The following GRM1 variants were observed in gnomAD, a reference collection of about 807,000 sequenced individuals.
GRM1 encodes the protein glutamate metabotropic receptor 1, also known as metabotropic glutamate receptor 1.
In GRM1, 33 loss-of-function variants were observed where a neutral mutation model predicts 90.9. That is an observed-to-expected ratio of 0.36 (90% CI 0.28 to 0.49). The LOEUF is 0.49. Among genes scored for constraint, GRM1 ranks in the 20% least tolerant of loss-of-function variants. The pLI, the probability that GRM1 is intolerant of heterozygous loss-of-function variation, is 0.99. For missense variants in GRM1, 1,190 were observed against 1,534.3 expected, an observed-to-expected ratio of 0.78 and a Z score of 3.75; for synonymous variants, 700 against 613.2, an observed-to-expected ratio of 1.14 and a Z score of -2.09.
intron 1 of GRM1, among the ~76,000 whole-genome samples, chr6:146,113,920 T>C (rs1460890894): frequency 6.6e-6 from 1 of 152,122 alleles, no homozygotes; most frequent in Admixed American, 6.5e-5. Flanking sequence ...CTTTGCACAC[T>C]GAGAAACACT....
intron 3 of GRM1, among the ~76,000 whole-genome samples, chr6:146,317,845 T>A (rs7741271): frequency 0.11 from 17,484 of 152,138 alleles, 1,996 homozygotes; most frequent in African/African-American, 0.3. Flanking sequence ...GTCAAGCCAG[T>A]TATTAATGGA....
intron 3 of GRM1, among the ~76,000 whole-genome samples, chr6:146,305,495 CT>C (rs1397936037): frequency 6.6e-6 from 1 of 152,212 alleles, no homozygotes; most frequent in Non-Finnish European, 1.5e-5. Flanking sequence ...ATTCTGAAAA[CT>C]GTAACTTTTA....
chr6:146,135,222 C>T (rs1422807234), intron 1 of GRM1, among the ~76,000 whole-genome samples: 2 of 152,146 alleles, frequency 1.3e-5, no homozygotes, highest in East Asian at 3.9e-4. Context: ...CTGACTTACC[C>T]AAAGTCTCAT....
At chr6:146,257,281 G>A (rs1035490998) in intron 2 of GRM1, among the ~76,000 whole-genome samples, 2 of 152,066 alleles carry the variant, frequency 1.3e-5, no homozygotes, top group Non-Finnish European at 2.9e-5. Flanking sequence ...ACCTGTTTAA[G>A]GACAGGAAAT....
At chr6:146,089,074 G>C (rs1025250059) in intron 1 of GRM1, among the ~76,000 whole-genome samples, 1 of 152,044 alleles carries the variant, frequency 6.6e-6, no homozygotes, top group Non-Finnish European at 1.5e-5. Flanking sequence ...CAAAGGTAAA[G>C]GGAGGTCACT....
chr6:146,069,351 CATTAT>C (rs1465407122), intron 1 of GRM1, among the ~76,000 whole-genome samples: 4 of 152,014 alleles, frequency 2.6e-5, no homozygotes, highest in East Asian at 1.9e-4. Flanking sequence ...CATTACATTA[CATTAT>C]GACTGAGTTT....
In GRM1 at chr6:146,084,380, A is replaced by T. The variant is rs181621289; in HGVS notation, c.700+54163A>T. On this transcript the variant is annotated intron_variant, in intron 1 of 7. Coordinates refer to ENST00000282753, the MANE Select transcript of GRM1 (RefSeq NM_001278064.2). The stretch of plus-strand genomic sequence containing the variant: ...CTTTCTGATGCGGGCATTGAGTGCC[A>T]TAAATTTCCCTCTTAACGCTGCTTT... 3.4e-4 allele frequency among the ~76,000 whole-genome samples: 52 copies of T among 152,164 alleles called. No individual in the cohort carries two copies. In the East Asian group the frequency reaches 9.5e-3, roughly 28 times the overall value.
At chr6:146,327,194 C>G (rs1402505114) in intron 3 of GRM1, among the ~76,000 whole-genome samples, 1 of 152,158 alleles carries the variant, frequency 6.6e-6, no homozygotes, top group Non-Finnish European at 1.5e-5. Context: ...AAGGATACCA[C>G]TTTGCATTTA....
At chr6:146,165,310 T>C (rs1165526152) in intron 2 of GRM1, among the ~76,000 whole-genome samples, 1 of 152,150 alleles carries the variant, frequency 6.6e-6, no homozygotes, top group Non-Finnish European at 1.5e-5. Flanking sequence ...CTCTATATCC[T>C]TGAAACATAA....
chr6:146,117,141 GATTT>G lies in GRM1; in HGVS notation c.701-42190_701-42187del, dbSNP rs201253228. ...TAAGTTTCTCTTTCAATTTTCCTTG[GATTT>G]ATTTATTTATTTATTTTTTTTTTAG... is the stretch of plus-strand genomic sequence containing the variant. On this transcript the variant is annotated intron_variant, in intron 1 of 7. Transcript: ENST00000282753. 8.1e-5 allele frequency among the ~76,000 whole-genome samples: 12 copies of G among 149,014 alleles called. No homozygotes were observed. In the East Asian group the frequency reaches 9.8e-4, roughly 12 times the overall value.
intron 5 of GRM1, among the ~76,000 whole-genome samples, chr6:146,368,828 T>G (rs1775796157): frequency 6.6e-6 from 1 of 151,994 alleles, no homozygotes. Flanking sequence ...TGTGTCCTTG[T>G]GTGGTTTTTG....
At chr6:146,224,974 A>G (rs924095373) in intron 2 of GRM1, among the ~76,000 whole-genome samples, 1 of 152,102 alleles carries the variant, frequency 6.6e-6, no homozygotes, top group Non-Finnish European at 1.5e-5. Flanking sequence ...CCCACCCCAA[A>G]TACAGGAGAT....
At chr6:146,191,117 A>G (rs184088157) in intron 2 of GRM1, among the ~76,000 whole-genome samples, 3 of 152,280 alleles carry the variant, frequency 2.0e-5, no homozygotes, top group Admixed American at 2.0e-4. Flanking sequence ...TGCCTAGGTC[A>G]GTTCCCCTTT....
intron 3 of GRM1, among the ~76,000 whole-genome samples, chr6:146,345,376 A>G (rs1185761259): frequency 6.6e-6 from 1 of 152,216 alleles, no homozygotes; most frequent in Non-Finnish European, 1.5e-5. Flanking sequence ...TGGATTTACA[A>G]TGTTAATGCC....
At chr6:146,317,098 T>A (rs535063048) in intron 3 of GRM1, among the ~76,000 whole-genome samples, 1 of 152,206 alleles carries the variant, frequency 6.6e-6, no homozygotes, top group Non-Finnish European at 1.5e-5. Context: ...AGTCTCTTGT[T>A]TCTTAGCCAT....
At chr6:146,306,224 G>A (rs754274875) in intron 3 of GRM1, among the ~76,000 whole-genome samples, 3 of 152,180 alleles carry the variant, frequency 2.0e-5, no homozygotes, top group East Asian at 1.9e-4. Context: ...CCTCTGCCAC[G>A]TAGGTGTTTC....
At chr6:146,099,121 C>T (rs996967065) in intron 1 of GRM1, among the ~76,000 whole-genome samples, 1 of 152,126 alleles carries the variant, frequency 6.6e-6, no homozygotes, top group Non-Finnish European at 1.5e-5. Flanking sequence ...TGTGGAGGCT[C>T]ATGTCTGTAA....
chr6:146,100,838 A>C (rs1489708737), intron 1 of GRM1, among the ~76,000 whole-genome samples: 1 of 152,218 alleles, frequency 6.6e-6, no homozygotes, highest in Admixed American at 6.5e-5. Context: ...AGTTGCACAC[A>C]TATAATCCCA....
intron 2 of GRM1, among the ~76,000 whole-genome samples, chr6:146,238,901 T>TA (rs1367407478): frequency 6.6e-6 from 1 of 152,110 alleles, no homozygotes. Flanking sequence ...AGGTTAAGCC[T>TA]AAAAAATATG....
Sources: gnomAD v4.1 joint callset for allele counts (sites outside exome capture counted in the v4.1 genomes callset) on GRCh38, gnomAD v4.1.1 for gene constraint, MANE v1.5 for transcripts, NCBI Gene and HGNC (gene_info 2026-07-23, HGNC 2026-07-21) for gene names.